SNX18: variants seen among roughly 807,000 people sequenced by gnomAD.
SNX18 encodes sorting nexin-18.
In SNX18, 35 loss-of-function variants were observed where a neutral mutation model predicts 48.7. The ratio of observed to expected loss-of-function variants is 0.72; its 90% CI spans 0.55 to 0.95. SNX18 has a LOEUF of 0.95. Among genes scored for constraint, SNX18 ranks in the 40% least tolerant of loss-of-function variants. SNX18 has a pLI of 0.00. For missense variants in SNX18, 824 were observed against 871.0 expected, an observed-to-expected ratio of 0.95 and a Z score of 0.68; for synonymous variants, 492 against 384.7, an observed-to-expected ratio of 1.28 and a Z score of -3.26.
At chr5:54,554,496 C>A in the SNX18 span, among the ~76,000 whole-genome samples, 1 of 152,146 alleles carries the variant, frequency 6.6e-6, no homozygotes, top group African/African-American at 2.4e-5. Context: ...CTAAATGAGG[C>A]CTTAGAGAGT....
chr5:54,549,654 A>T (rs1284288562), downstream of SNX18, among the ~76,000 whole-genome samples: 1 of 152,240 alleles, frequency 6.6e-6, no homozygotes, highest in East Asian at 1.9e-4. Flanking sequence ...AAGACAGCTC[A>T]GAACTTGTCT....
chr5:54,579,013 T>C, the SNX18 span, among the ~76,000 whole-genome samples: 6 of 152,144 alleles, frequency 3.9e-5, no homozygotes, highest in Admixed American at 6.6e-5. Context: ...TGTTCATCTT[T>C]CCTAACTAGG....
At chr5:54,579,670 CT>C in the SNX18 span, among the ~76,000 whole-genome samples, 1 of 152,112 alleles carries the variant, frequency 6.6e-6, no homozygotes, top group Non-Finnish European at 1.5e-5. Context: ...ACATGTGAGG[CT>C]TTTAGGAGTA....
rs143971208 is a variant in SNX18 at position 54,538,269 on chromosome 5, T to C, written c.1622-4910T>C. On this transcript the variant is annotated intron_variant, in intron 1 of 1. Coordinates refer to ENST00000381410, the MANE Select transcript of SNX18 (RefSeq NM_001102575.2). The stretch of plus-strand genomic sequence containing the variant: ...TAATATTGTTTCTATTGGAAAAATA[T>C]GTTTCCACTTTCTTTTCTAGTGAAC... 7.9e-3 allele frequency among the ~76,000 whole-genome samples: 1,202 copies of C among 152,324 alleles called. 18 individuals are homozygous for C. Among genetic ancestry groups the C allele is most frequent in the Middle Eastern group, 0.058 (17 of 294 alleles).
chr5:54,548,480 A>G (rs1762608561), downstream of SNX18, among the ~76,000 whole-genome samples: 1 of 152,210 alleles, frequency 6.6e-6, no homozygotes, highest in African/African-American at 2.4e-5. Flanking sequence ...TATCAGTGAG[A>G]AAGGCAGCAA....
chr5:54,613,758 G>A, the SNX18 span, among the ~76,000 whole-genome samples: 10 of 152,142 alleles, frequency 6.6e-5, no homozygotes, highest in African/African-American at 1.2e-4. Flanking sequence ...GAGTACAATG[G>A]TGCGATCTCG....
chr5:54,567,564 GT>G, the SNX18 span, among the ~76,000 whole-genome samples: 4 of 152,206 alleles, frequency 2.6e-5, no homozygotes, highest in African/African-American at 9.7e-5. Context: ...TCAGGGCGAT[GT>G]GGCAGGAAGA....
At chr5:54,527,358 CGGG>C (rs11355195) in intron 1 of SNX18, among the ~76,000 whole-genome samples, 1 of 140,774 alleles carries the variant, frequency 7.1e-6, no homozygotes, top group Non-Finnish European at 1.6e-5. Context: ...GTCGGGGAGC[CGGG>C]GGGGGGGGTC....
At chr5:54,591,179 T>TTTC in the SNX18 span, among the ~76,000 whole-genome samples, 1 of 142,658 alleles carries the variant, frequency 7.0e-6, no homozygotes, top group Non-Finnish European at 1.5e-5. Context: ...GTTTTTTTTT[T>TTTC]GTTTTGTTTT....
At position 54,519,432 on chromosome 5, in the gene SNX18, G is replaced by T; in HGVS notation, c.1480G>T (p.Ala494Ser). 1 of 1,612,448 alleles carries T rather than the reference G, an allele frequency of 6.2e-7. No individual in the cohort carries two copies. Among genetic ancestry groups the T allele is most frequent in the Non-Finnish European group, 8.5e-7 (1 of 1,179,628 alleles). The stretch of plus-strand genomic sequence containing the variant: ...CTCGGTGGGCCTGAACCAGGCTATC[G>T]CCTTCACCGGAGATGCCTATGACGC... ...AFSVGLNQAI[A>S]FTGDAYDAIG... Residue 494 changes from alanine (A) to serine (S), a missense_variant, in exon 1 of 2, where the codon GCC becomes TCC. This residue lies in a region of SNX18 where 443 missense variants were observed against 503.6 expected (regional missense o/e 0.88). Transcript: ENST00000381410.
the SNX18 span, among the ~76,000 whole-genome samples, chr5:54,560,951 T>C: frequency 6.6e-6 from 1 of 152,200 alleles, no homozygotes; most frequent in African/African-American, 2.4e-5. Context: ...ACCAAAGGGG[T>C]GACATCTAAG....
chr5:54,597,503 C>T, the SNX18 span, among the ~76,000 whole-genome samples: 1 of 152,136 alleles, frequency 6.6e-6, no homozygotes, highest in African/African-American at 2.4e-5. Context: ...AAGTAAATCA[C>T]TCCTCAGCAA....
chr5:54,579,160 G>A, the SNX18 span, among the ~76,000 whole-genome samples: 1 of 152,026 alleles, frequency 6.6e-6, no homozygotes, highest in East Asian at 1.9e-4. Flanking sequence ...GGGCAACATG[G>A]CGAAACCCAG....
the SNX18 span, among the ~76,000 whole-genome samples, chr5:54,617,180 C>G: frequency 2.6e-5 from 4 of 152,296 alleles, no homozygotes; most frequent in African/African-American, 9.6e-5. Context: ...CCAGTGAAGC[C>G]GCAAGGCCTC....
downstream of SNX18, among the ~76,000 whole-genome samples, chr5:54,548,732 A>G (rs1174427155): frequency 1.3e-5 from 2 of 152,218 alleles, no homozygotes; most frequent in Admixed American, 6.5e-5. Flanking sequence ...TAAATGTTCT[A>G]TTCCTGAACA....
chr5:54,530,490 T>G (rs1027296021), intron 1 of SNX18, among the ~76,000 whole-genome samples: 9 of 152,156 alleles, frequency 5.9e-5, no homozygotes, highest in Non-Finnish European at 1.3e-4. Flanking sequence ...TATAACATGC[T>G]TGTTAGAAAA....
the SNX18 span, among the ~76,000 whole-genome samples, chr5:54,593,626 A>G: frequency 6.6e-6 from 1 of 152,232 alleles, no homozygotes; most frequent in Non-Finnish European, 1.5e-5. Flanking sequence ...TGGAACACTT[A>G]TATGACCCGA....
At chr5:54,554,332 A>G in the SNX18 span, among the ~76,000 whole-genome samples, 1 of 152,194 alleles carries the variant, frequency 6.6e-6, no homozygotes, top group Non-Finnish European at 1.5e-5. Flanking sequence ...CCATTGAATC[A>G]GAACGTGAAG....
chr5:54,641,230 G>C, the SNX18 span, among the ~76,000 whole-genome samples: 3 of 152,122 alleles, frequency 2.0e-5, no homozygotes, highest in Non-Finnish European at 4.4e-5. Context: ...GGTGTGACCT[G>C]TGCACCACCC....
Sources: gnomAD v4.1 joint callset for allele counts (sites outside exome capture counted in the v4.1 genomes callset) on GRCh38, gnomAD v4.1.1 for gene constraint, gnomAD v4.1.1 regional missense constraint, MANE v1.5 for transcripts, NCBI Gene and HGNC (gene_info 2026-07-23, HGNC 2026-07-21) for gene names.